Variants in THADA observed in about 807,000 individuals in gnomAD.
THADA encodes the protein THADA armadillo repeat containing.
Under a neutral mutation model 219.8 loss-of-function variants are expected in THADA, and 213 were observed. The ratio of observed to expected loss-of-function variants is 0.97; its 90% confidence interval spans 0.87 to 1.09. The LOEUF (loss-of-function observed/expected upper bound fraction) is 1.09, where lower values mean the gene tolerates loss of function less well. Among genes scored for constraint, THADA ranks in the 50% least tolerant of loss-of-function variants. The pLI is 0.00. For synonymous variants in THADA, 1,018 were observed against 828.9 expected, an observed-to-expected ratio of 1.23 and a Z score of -3.92; for missense variants, 2,956 against 2,311.3, an observed-to-expected ratio of 1.28 and a Z score of -5.72.
intron 31 of THADA, among the ~76,000 whole-genome samples, chr2:43,296,432 C>T (rs1165841088): frequency 1.3e-5 from 2 of 152,064 alleles, no homozygotes; most frequent in Admixed American, 1.3e-4. Context: ...CACGCCACCA[C>T]ACCCAGCTAA....
chr2:43,250,370 C>T (rs867502334), intron 36 of THADA, among the ~76,000 whole-genome samples: 1 of 152,140 alleles, frequency 6.6e-6, no homozygotes, highest in African/African-American at 2.4e-5. Context: ...AGACAGAAAG[C>T]AGACTGGCAG....
At chr2:43,595,657 T>C (rs537329529) in intron 1 of THADA, 1 of 152,526 alleles carries the variant, frequency 6.6e-6, no homozygotes, top group Admixed American at 6.5e-5. Context: ...TGCTTCCCTT[T>C]AGAACGCTGC....
rs1327959944 is a variant in THADA at position 43,344,104 on chromosome 2, T to G, written c.4343+18A>C. 3.2e-6 allele frequency: 5 copies of G among 1,550,434 alleles called. No individual in the cohort carries two copies. The highest frequency in any genetic ancestry group is 4.4e-6 in the Non-Finnish European group (5 of 1,129,128). The stretch of plus-strand genomic sequence containing the variant: ...CTAACCCCTGATAACTCCTTGCTCA[T>G]GTGGGATTTTAACATACCTCTTGGC... On this transcript the variant is annotated intron_variant, in intron 30 of 37. Coordinates refer to ENST00000405975, the MANE Select transcript of THADA (RefSeq NM_022065.5).
rs150844356 is a variant in THADA at position 43,286,774 on chromosome 2, G to A, written c.5164+134C>T. 3.1e-4 allele frequency: 306 copies of A among 997,260 alleles called. 1 individual carries two copies. Among genetic ancestry groups the A allele is most frequent in the African/African-American group, 2.7e-3 (162 of 60,854 alleles). The allele number at this position is 997,260 out of a possible 1,614,324, so 61.8% of individuals were successfully genotyped here. A position where few individuals can be genotyped will look rare whatever the true frequency, so the allele number is the denominator to read the frequency against. On this transcript the variant is annotated intron_variant, in intron 35 of 37. Coordinates refer to ENST00000405975, the MANE Select transcript of THADA (RefSeq NM_022065.5). ...AAATGATTAGAGCATGAACTAAGAC[G>A]GTAGGAATATAACTGAAAGACATAA... is the stretch of plus-strand genomic sequence containing the variant.
At chr2:43,293,976 T>A (rs1558533613) in intron 31 of THADA, among the ~76,000 whole-genome samples, 1 of 152,210 alleles carries the variant, frequency 6.6e-6, no homozygotes, top group Non-Finnish European at 1.5e-5. Flanking sequence ...ATCACACTGT[T>A]GACTCATATG....
At chr2:43,360,645 T>C (rs1022219045) in intron 29 of THADA, among the ~76,000 whole-genome samples, 17 of 152,222 alleles carry the variant, frequency 1.1e-4, no homozygotes, top group Admixed American at 5.9e-4. Flanking sequence ...AGTTTATTTG[T>C]TGAGTCGATA....
Position 43,231,019 on chromosome 2 carries a change from C to CTAGG in THADA, c.5787_5790dup (p.Val1931ProfsTer?), listed in dbSNP as rs759770652. On this transcript the variant is annotated frameshift_variant, in exon 38 of 38. Transcript: ENST00000405975. LOFTEE classifies it high-confidence loss of function. ...GCATAAGAGTCCCAAACACTGAGAACTAGGGTGTCTTCCCCTTCCTTTCCT... is the reference window on the plus strand; with the variant it reads ...GCATAAGAGTCCCAAACACTGAGAACTAGGTAGGGTGTCTTCCCCTTCCTTTCCT... 1.2e-6 allele frequency: 2 copies of CTAGG among 1,613,826 alleles called. No homozygotes were observed. Among genetic ancestry groups the CTAGG allele is most frequent in the African/African-American group, 2.7e-5 (2 of 74,910 alleles).
intron 28 of THADA, 40 bp downstream of exon 28, chr2:43,428,060 C>T: frequency 6.8e-7 from 1 of 1,462,406 alleles, no homozygotes; most frequent in Non-Finnish European, 9.1e-7. Context: ...CGTAAAACTC[C>T]CACGCCAACC....
chr2:43,563,472 C>A (rs1231671887), intron 15 of THADA: 1 of 152,134 alleles, frequency 6.6e-6, no homozygotes, highest in East Asian at 1.9e-4. Flanking sequence ...TCTACATAAT[C>A]TTGTATCTAC....
intron 25 of THADA, among the ~76,000 whole-genome samples, chr2:43,487,128 T>G (rs776737058): frequency 6.6e-6 from 1 of 152,152 alleles, no homozygotes; most frequent in Non-Finnish European, 1.5e-5. Flanking sequence ...AACAAATCAA[T>G]CCATGCTGTT....
At chr2:43,489,242 G>A (rs1047113225) in intron 25 of THADA, among the ~76,000 whole-genome samples, 25 of 152,150 alleles carry the variant, frequency 1.6e-4, no homozygotes, top group Admixed American at 9.8e-4. Context: ...GTGCAGTGGT[G>A]TAATCATAGC....
chr2:43,590,254 G>A (rs1294176153), intron 4 of THADA, among the ~76,000 whole-genome samples: 3 of 151,984 alleles, frequency 2.0e-5, no homozygotes, highest in Non-Finnish European at 4.4e-5. Context: ...GACAAAAAGA[G>A]GAAAAAACAG....
chr2:43,584,816 C>T (rs1273427841), intron 7 of THADA, among the ~76,000 whole-genome samples: 1 of 152,076 alleles, frequency 6.6e-6, no homozygotes, highest in African/African-American at 2.4e-5. Context: ...GGATTGAAGA[C>T]AGGAAGACTG....
At chr2:43,521,887 G>C (rs901736242) in intron 22 of THADA, among the ~76,000 whole-genome samples, 1 of 152,204 alleles carries the variant, frequency 6.6e-6, no homozygotes, top group Admixed American at 6.5e-5. Context: ...TGACTACAAA[G>C]TGGCTTTTAA....
Position 43,231,278 on chromosome 2 carries a change from C to G in THADA, c.5532G>C (p.Val1844=). The change falls in exon 38 of 38, where the codon GTG becomes GTC. Residue 1844 remains valine, a synonymous_variant. Transcript: ENST00000405975. ...VNFWAETLIF[V]KYLCKHLFCL... is the part of the protein sequence containing the mutation. The stretch of plus-strand genomic sequence containing the variant: ...AGAAGAGGTGCTTGCAGAGGTATTT[C>G]ACAAAGATCAGGGTCTCGGCCCAAA... 1.2e-6 allele frequency: 2 copies of G among 1,605,140 alleles called. No homozygotes were observed. Among genetic ancestry groups the G allele is most frequent in the South Asian group, 1.1e-5 (1 of 89,378 alleles).
At chr2:43,438,174 C>T (rs1270223373) in intron 26 of THADA, among the ~76,000 whole-genome samples, 3 of 151,652 alleles carry the variant, frequency 2.0e-5, no homozygotes, top group African/African-American at 4.8e-5. Flanking sequence ...AGGTGGCGGG[C>T]GCCTGTAGTC....
chr2:43,248,455 C>T (rs151021158), intron 36 of THADA, among the ~76,000 whole-genome samples: 10,747 of 152,032 alleles, frequency 0.071, 467 homozygotes, highest in South Asian at 0.19. Flanking sequence ...TGGTCTTGAA[C>T]TCCTGACCTC....
At chr2:43,425,798 C>A (rs1439281219) in intron 28 of THADA, among the ~76,000 whole-genome samples, 1 of 152,170 alleles carries the variant, frequency 6.6e-6, no homozygotes, top group African/African-American at 2.4e-5. Flanking sequence ...GATGTGTTAT[C>A]ACCCTCATTT....
chr2:43,479,593 A>C lies in THADA; in HGVS notation c.3836+5641T>G, dbSNP rs140059833. On this transcript the variant is annotated intron_variant, in intron 26 of 37. Coordinates refer to ENST00000405975, the MANE Select transcript of THADA (RefSeq NM_022065.5). ...GCACCAAACTATTATCAAACATAAG[A>C]GTTTTATAGAGATAAATGTTAAAAA... Among the ~76,000 whole-genome samples the C allele has an allele frequency of 1.8e-3, 278 of 151,830 alleles. 1 individual carries two copies. Among genetic ancestry groups the C allele is most frequent in the African/African-American group, 6.5e-3 (268 of 41,222 alleles).
Sources: allele counts gnomAD v4.1 joint callset (sites outside exome capture counted in the v4.1 genomes callset), GRCh38; gene constraint gnomAD v4.1.1; transcripts MANE v1.5; gene names NCBI Gene and HGNC (gene_info 2026-07-23, HGNC 2026-07-21).